RIMS2: variants seen among roughly 807,000 people sequenced by gnomAD.
RIMS2 encodes the protein regulating synaptic membrane exocytosis 2, also known as regulating synaptic membrane exocytosis protein 2.
A neutral mutation model predicts 174.4 loss-of-function variants in RIMS2; 59 were observed. The ratio of observed to expected loss-of-function variants is 0.34; its 90% CI spans 0.27 to 0.42. The LOEUF (loss-of-function observed/expected upper bound fraction) is 0.42. Among genes scored for constraint, RIMS2 ranks in the 10% least tolerant of loss-of-function variants. The pLI is 1.00. For missense variants in RIMS2, 1,620 were observed against 1,666.3 expected (o/e 0.97, Z 0.48); for synonymous variants, 606 against 572.5 (o/e 1.06, Z -0.84).
intron 19 of RIMS2, among the ~76,000 whole-genome samples, chr8:104,100,929 GATATATT>G (rs1232911430): frequency 1.5e-4 from 16 of 103,880 alleles, no homozygotes; most frequent in Admixed American, 5.9e-4. Flanking sequence ...TTATATATGT[GATATATT>G]ATATATTATA....
intron 19 of RIMS2, among the ~76,000 whole-genome samples, chr8:104,225,275 G>C (rs2138824016): frequency 6.6e-6 from 1 of 152,204 alleles, no homozygotes; most frequent in South Asian, 2.1e-4. Context: ...TCACCAAGAT[G>C]GTAGGTAATA....
intron 14 of RIMS2, among the ~76,000 whole-genome samples, chr8:103,945,713 A>G (rs183158333): frequency 3.4e-4 from 51 of 152,216 alleles, no homozygotes; most frequent in African/African-American, 1.2e-3. Flanking sequence ...AAATATGAAG[A>G]TAAAGCTTTG....
chr8:103,819,431 G>C (rs2098737386), intron 3 of RIMS2: 1 of 1,589,748 alleles, frequency 6.3e-7, no homozygotes, highest in Non-Finnish European at 8.5e-7. Flanking sequence ...GTTTTTATTT[G>C]ATGGTGTCAG....
intron 3 of RIMS2, among the ~76,000 whole-genome samples, chr8:103,798,906 G>T (rs3107470): frequency 0.32 from 48,633 of 151,000 alleles, 8,750 homozygotes; most frequent in East Asian, 0.77. Context: ...AAGCCTTAAA[G>T]GTAGAAAACT....
At chr8:104,004,041 T>C (rs941497541) in intron 17 of RIMS2, among the ~76,000 whole-genome samples, 1 of 152,236 alleles carries the variant, frequency 6.6e-6, no homozygotes, top group Non-Finnish European at 1.5e-5. Flanking sequence ...ATTCATAAGG[T>C]ACCTTAACAG....
At chr8:104,029,032 T>G (rs1451972003) in intron 19 of RIMS2, among the ~76,000 whole-genome samples, 2 of 152,184 alleles carry the variant, frequency 1.3e-5, no homozygotes, top group Non-Finnish European at 2.9e-5. Context: ...GGGTGGACAA[T>G]TCCCAGAACT....
At chr8:104,051,919 T>C (rs570261385) in intron 19 of RIMS2, among the ~76,000 whole-genome samples, 47 of 152,354 alleles carry the variant, frequency 3.1e-4, no homozygotes, top group African/African-American at 1.1e-3. Context: ...AAGAATTTAA[T>C]TTTTCAGAGA....
rs768581804 is a variant in RIMS2 at position 103,921,740 on chromosome 8, G to A, written c.2152G>A (p.Gly718Arg). 3 of 1,557,890 alleles carry A rather than the reference G, an allele frequency of 1.9e-6. No homozygotes were observed. The South Asian group carries it at 3.3e-5, about 17-fold the overall frequency. Residue 718 changes from glycine (G) to arginine (R), a missense_variant, in exon 10 of 24, where the codon GGA becomes AGA. By Grantham distance (125) the Gly-to-Arg change is moderately radical. Around this residue, in one of 2 missense-constraint regions of RIMS2, gnomAD observed 1,395 missense variants for 1,360.1 expected, o/e 1.03. Coordinates refer to ENST00000504942, the Ensembl canonical transcript of RIMS2. ...TTCTGTTACCTCTCCCATGAGTCCT[G>A]GAATGTTGAGGGATGTCCCACAGTT... is the stretch of plus-strand genomic sequence containing the variant.
intron 1 of RIMS2, among the ~76,000 whole-genome samples, chr8:103,678,860 A>G (rs1409020671): frequency 6.6e-6 from 1 of 152,140 alleles, no homozygotes. Context: ...TTGAGTTAAA[A>G]GAATCACTTG....
At chr8:103,565,367 C>T (rs1469379882) in intron 1 of RIMS2, among the ~76,000 whole-genome samples, 1 of 151,820 alleles carries the variant, frequency 6.6e-6, no homozygotes, top group Non-Finnish European at 1.5e-5. Context: ...TGCAGCGGTG[C>T]CATCTCAGCT....
intron 17 of RIMS2, among the ~76,000 whole-genome samples, chr8:104,002,109 A>G (rs2095413357): frequency 6.6e-6 from 1 of 152,082 alleles, no homozygotes; most frequent in African/African-American, 2.4e-5. Flanking sequence ...TTTACATTTT[A>G]TTATCAGTAG....
intron 19 of RIMS2, among the ~76,000 whole-genome samples, chr8:104,188,848 T>C (rs1486570173): frequency 3.3e-5 from 5 of 151,846 alleles, no homozygotes; most frequent in African/African-American, 1.2e-4. Flanking sequence ...CTTTTAAAAT[T>C]ATACGTCTTT....
At chr8:103,588,759 C>T (rs2094103964) in intron 1 of RIMS2, among the ~76,000 whole-genome samples, 1 of 151,826 alleles carries the variant, frequency 6.6e-6, no homozygotes, top group Admixed American at 6.6e-5. Flanking sequence ...AAAATCAAAT[C>T]AAAATGGATT....
intron 19 of RIMS2, among the ~76,000 whole-genome samples, chr8:104,049,721 A>C (rs1401829500): frequency 6.6e-6 from 1 of 152,152 alleles, no homozygotes. Context: ...AAAATGAAAA[A>C]TTTTCCACTT....
intron 3 of RIMS2, among the ~76,000 whole-genome samples, chr8:103,813,899 A>G (rs1016530691): frequency 6.6e-6 from 1 of 152,168 alleles, no homozygotes; most frequent in Non-Finnish European, 1.5e-5. Context: ...ATGATTTATA[A>G]TCCTTTGGGT....
intron 1 of RIMS2, among the ~76,000 whole-genome samples, chr8:103,645,164 A>T (rs1441371416): frequency 6.6e-6 from 1 of 152,046 alleles, no homozygotes; most frequent in Non-Finnish European, 1.5e-5. Flanking sequence ...AATAGAATTC[A>T]GTGTCACTAT....
chr8:103,874,390 A>T (rs560675521), intron 3 of RIMS2, among the ~76,000 whole-genome samples: 1 of 151,992 alleles, frequency 6.6e-6, no homozygotes, highest in Non-Finnish European at 1.5e-5. Context: ...AATGGAGGAG[A>T]CATTCCTTCC....
In RIMS2 at chr8:103,750,673, A is replaced by G. The variant is rs1160245200; in HGVS notation, c.388-15554A>G. ...TTCCCATGTTAATGAGTCTCAGGAG[A>G]TCTGATGGTTTTATAGGTGTCTGTT... On this transcript the variant is annotated intron_variant, in intron 2 of 23. Coordinates refer to ENST00000504942, the Ensembl canonical transcript of RIMS2. Among the ~76,000 whole-genome samples, 3 of 152,020 alleles carry G rather than the reference A, an allele frequency of 2.0e-5. No individual in the cohort carries two copies. In the East Asian group the frequency reaches 5.8e-4, roughly 29 times the overall value.
intron 3 of RIMS2, among the ~76,000 whole-genome samples, chr8:103,834,592 T>C (rs1273893119): frequency 6.6e-6 from 1 of 151,906 alleles, no homozygotes. Flanking sequence ...TAGCTTTTTT[T>C]TTGTCATATC....
Sources: allele counts gnomAD v4.1 joint callset (sites outside exome capture counted in the v4.1 genomes callset), GRCh38; gene constraint gnomAD v4.1.1; regional missense constraint gnomAD v4.1.1; transcripts MANE v1.5; gene names NCBI Gene and HGNC (gene_info 2026-07-23, HGNC 2026-07-21).